The following PTPRT variants were observed in gnomAD, a reference collection of about 807,000 sequenced individuals.
PTPRT encodes receptor-type tyrosine-protein phosphatase T.
Under a neutral mutation model 176.8 loss-of-function variants are expected in PTPRT, and 56 were observed. The ratio of observed to expected loss-of-function variants is 0.32; its 90% CI spans 0.26 to 0.40. The LOEUF (loss-of-function observed/expected upper bound fraction) is 0.40. PTPRT is among the 10% of genes least tolerant of loss of function. The pLI is 1.00. For synonymous variants in PTPRT, 783 were observed against 739.0 expected (o/e 1.06, Z -0.96); for missense variants, 1,540 against 1,908.2 (o/e 0.81, Z 3.60).
At chr20:43,115,342 C>A (rs964779205) in intron 1 of PTPRT, among the ~76,000 whole-genome samples, 1 of 152,178 alleles carries the variant, frequency 6.6e-6, no homozygotes, top group African/African-American at 2.4e-5. Flanking sequence ...GTGTGTCCAG[C>A]ATAGTTCATC....
At chr20:43,085,139 A>G (rs1433672562) in intron 1 of PTPRT, among the ~76,000 whole-genome samples, 3 of 152,146 alleles carry the variant, frequency 2.0e-5, no homozygotes, top group African/African-American at 7.2e-5. Flanking sequence ...AACTCCAGAG[A>G]AGAACTGCAG....
intron 7 of PTPRT, among the ~76,000 whole-genome samples, chr20:42,633,694 G>A (rs528895337): frequency 2.8e-5 from 4 of 141,908 alleles, no homozygotes; most frequent in Admixed American, 2.3e-4. Flanking sequence ...GCTGAGGCAC[G>A]AGAATTGCTT....
intron 1 of PTPRT, among the ~76,000 whole-genome samples, chr20:42,942,070 C>T (rs974162501): frequency 1.3e-5 from 2 of 152,066 alleles, no homozygotes; most frequent in South Asian, 2.1e-4. Flanking sequence ...AAAGAATACT[C>T]AGGCTGCAGA....
chr20:42,770,499 C>T (rs944962934), intron 5 of PTPRT, among the ~76,000 whole-genome samples: 4 of 152,174 alleles, frequency 2.6e-5, no homozygotes, highest in Admixed American at 2.0e-4. Flanking sequence ...CAAAGAGATC[C>T]TTTCTCATCT....
At chr20:42,827,410 C>A (rs1023553944) in intron 2 of PTPRT, among the ~76,000 whole-genome samples, 1 of 152,114 alleles carries the variant, frequency 6.6e-6, no homozygotes. Flanking sequence ...TGCTCAAAAC[C>A]ATGCAATTTT....
In PTPRT at chr20:42,885,967, C is replaced by T. The variant is rs145486331; in HGVS notation, c.89-35G>A. The T allele has an allele frequency of 8.8e-4, 1,353 of 1,542,262 alleles. 11 individuals are homozygous for T. The African/African-American group carries it at 0.016, about 19-fold the overall frequency. ...AAAGAGATATGGGTAAATACATTCCCGTGTCTGAGGCTTGGTTCGTTACCT... is the reference window on the plus strand; with the variant it reads ...AAAGAGATATGGGTAAATACATTCCTGTGTCTGAGGCTTGGTTCGTTACCT... On this transcript the variant is annotated intron_variant, in intron 1 of 30. Transcript: ENST00000373187.
the PTPRT span, among the ~76,000 whole-genome samples, chr20:42,038,644 C>T: frequency 6.6e-6 from 1 of 152,192 alleles, no homozygotes; most frequent in African/African-American, 2.4e-5. Flanking sequence ...ACTCTTTTCC[C>T]ACCCTTAAAA....
chr20:42,543,093 T>C (rs2072612338), intron 7 of PTPRT, among the ~76,000 whole-genome samples: 1 of 152,214 alleles, frequency 6.6e-6, no homozygotes, highest in African/African-American at 2.4e-5. Flanking sequence ...TGCTGAATGT[T>C]GGAGTGGCTG....
chr20:42,292,099 A>G (rs2057325643), intron 12 of PTPRT, among the ~76,000 whole-genome samples: 1 of 152,036 alleles, frequency 6.6e-6, no homozygotes, highest in Non-Finnish European at 1.5e-5. Flanking sequence ...GTTTGACTCT[A>G]GAGCTCCCTC....
intron 6 of PTPRT, among the ~76,000 whole-genome samples, chr20:42,697,390 G>A (rs1018817474): frequency 1.2e-4 from 18 of 152,196 alleles, no homozygotes; most frequent in African/African-American, 3.9e-4. Context: ...ATAAACATGC[G>A]CAACTTCTGG....
chr20:43,113,039 G>T (rs771784591), intron 1 of PTPRT, among the ~76,000 whole-genome samples: 96 of 147,708 alleles, frequency 6.5e-4, no homozygotes, highest in Non-Finnish European at 1.3e-4. Context: ...CTGGGGTTTT[G>T]CATGTAACTC....
intron 2 of PTPRT, among the ~76,000 whole-genome samples, chr20:42,836,379 T>C (rs1160219881): frequency 6.6e-6 from 1 of 152,210 alleles, no homozygotes; most frequent in East Asian, 1.9e-4. Flanking sequence ...ACCTGGTCTG[T>C]GTACTTCCAG....
chr20:42,935,147 ATTTTTTTTTTTTTTTTTTT>A lies in PTPRT; in HGVS notation c.89-49234_89-49216del, dbSNP rs57178522. 2.4e-4 allele frequency among the ~76,000 whole-genome samples: 10 copies of A among 42,160 alleles called. 1 individual carries two copies. The highest frequency in any genetic ancestry group is 9.5e-4 in the African/African-American group (10 of 10,558). 27.7% of individuals were successfully genotyped at this position (42,160 alleles called of 152,430 possible). Reference sequence around the variant, plus strand: ...AGGGCGTCTCATTGCTTTTGCCATAATTTTTTTTTTTTTTTTTTTTTTTTTTTTTTTGCCCAAGCTGGAG... The same window carrying A: ...AGGGCGTCTCATTGCTTTTGCCATAATTTTTTTTTTTTGCCCAAGCTGGAG... On this transcript the variant is annotated intron_variant, in intron 1 of 30. Transcript: ENST00000373187.
the PTPRT span, among the ~76,000 whole-genome samples, chr20:42,037,055 C>T: frequency 3.3e-5 from 5 of 152,178 alleles, no homozygotes; most frequent in South Asian, 2.1e-4. Context: ...CCAGAAGAAA[C>T]GTCTTCTCCA....
At chr20:42,992,320 G>C (rs1983960944) in intron 1 of PTPRT, among the ~76,000 whole-genome samples, 1 of 152,304 alleles carries the variant, frequency 6.6e-6, no homozygotes, top group Non-Finnish European at 1.5e-5. Flanking sequence ...AGTTGTTGTA[G>C]TTCATATATA....
At chr20:42,094,090 A>G (rs963085978) in intron 27 of PTPRT, among the ~76,000 whole-genome samples, 1 of 152,128 alleles carries the variant, frequency 6.6e-6, no homozygotes, top group Non-Finnish European at 1.5e-5. Context: ...ATAGCCAATG[A>G]CCTTGACCTT....
At position 43,015,711 on chromosome 20, in the gene PTPRT, C is replaced by T. The variant is rs143950681; in HGVS notation, c.89-129779G>A. 3.9e-3 allele frequency among the ~76,000 whole-genome samples: 598 copies of T among 152,152 alleles called. 6 individuals are homozygous for T. The highest frequency in any genetic ancestry group is 5.4e-3 in the Non-Finnish European group (368 of 68,000). On this transcript the variant is annotated intron_variant, in intron 1 of 30. Coordinates refer to ENST00000373187, the MANE Select transcript of PTPRT (RefSeq NM_007050.6). ...TCCTGGGCTAGACTCCATGCTCTGC[C>T]CCTTACAAATGACTCTGGGCAAATC...
chr20:42,280,901 C>A lies in PTPRT; in HGVS notation c.2176+1588G>T, dbSNP rs562347816. The stretch of plus-strand genomic sequence containing the variant: ...TCAGAAATTATGACCCAGCCAGCTA[C>A]CCTCTAATAGAGCTTACATCCCAGA... On this transcript the variant is annotated intron_variant, in intron 13 of 30. Transcript: ENST00000373187. Among the ~76,000 whole-genome samples, 3 of 152,242 alleles carry A rather than the reference C, an allele frequency of 2.0e-5. No homozygotes were observed. In the South Asian group the frequency reaches 6.2e-4, roughly 32 times the overall value.
chr20:42,057,184 G>A, the PTPRT span, among the ~76,000 whole-genome samples: 1 of 152,200 alleles, frequency 6.6e-6, no homozygotes, highest in South Asian at 2.1e-4. Context: ...TGGAACAGTG[G>A]GCTGAGTCTT....
Sources: gnomAD v4.1 joint callset for allele counts (sites outside exome capture counted in the v4.1 genomes callset) on GRCh38, gnomAD v4.1.1 for gene constraint, MANE v1.5 for transcripts, NCBI Gene and HGNC (gene_info 2026-07-23, HGNC 2026-07-21) for gene names.